MSN: variants seen among roughly 807,000 people sequenced by gnomAD.
MSN encodes the protein moesin.
Under a neutral mutation model 48.0 loss-of-function variants are expected in MSN, and 2 were observed. The ratio of observed to expected loss-of-function variants is 0.04; its 90% CI spans 0.02 to 0.13. The LOEUF (loss-of-function observed/expected upper bound fraction) is 0.13. Among genes scored for constraint, MSN ranks in the 10% least tolerant of loss-of-function variants. The pLI is 1.00. For synonymous variants in MSN, 146 were observed against 166.9 expected (o/e 0.87, Z 0.97); for missense variants, 267 against 470.1 (o/e 0.57, Z 3.99).
chrX:65,593,838 C>T (rs754108530), intron 1 of MSN, among the ~76,000 whole-genome samples: 7 of 112,937 alleles, frequency 6.2e-5, no homozygotes, highest in Admixed American at 4.7e-4. Flanking sequence ...CCACTGCACC[C>T]GGCAGGCAAA....
chrX:65,666,364 T>C (rs886796239), upstream of MSN, among the ~76,000 whole-genome samples: 1 of 109,470 alleles, frequency 9.1e-6, no homozygotes, highest in Non-Finnish European at 1.9e-5. Context: ...TTTCACTCTG[T>C]TGCCCTGGCT....
intron 1 of MSN, among the ~76,000 whole-genome samples, chrX:65,670,063 A>G (rs928079182): frequency 9.0e-6 from 1 of 111,544 alleles, no homozygotes; most frequent in Non-Finnish European, 1.9e-5. Flanking sequence ...GATAAAAGGA[A>G]ATGAGTAATT....
chrX:65,660,643 T>A (rs1007555444), intron 1 of MSN, among the ~76,000 whole-genome samples: 4 of 107,331 alleles, frequency 3.7e-5, no homozygotes, highest in Non-Finnish European at 7.7e-5. Context: ...CTCGGCTCAC[T>A]GCAACCTCCA....
chrX:65,641,479 G>A (rs2070649155), intron 1 of MSN, among the ~76,000 whole-genome samples: 1 of 89,267 alleles, frequency 1.1e-5, no homozygotes, highest in African/African-American at 4.1e-5. Context: ...TCAGTGAGCC[G>A]AGATCACGCC....
intron 1 of MSN, among the ~76,000 whole-genome samples, chrX:65,592,179 ATCCT>A (rs1007192902): frequency 1.0e-5 from 1 of 97,854 alleles, no homozygotes; most frequent in African/African-American, 3.8e-5. Context: ...ACTGCATGAT[ATCCT>A]CTTCATCCCT....
chrX:65,649,525 G>A (rs2070722538), intron 1 of MSN, among the ~76,000 whole-genome samples: 3 of 101,407 alleles, frequency 3.0e-5, no homozygotes, highest in South Asian at 4.5e-4. Context: ...GCAGTGAGCC[G>A]AGATCATGCC....
At chrX:65,640,135 A>G (rs1363627345) in intron 1 of MSN, among the ~76,000 whole-genome samples, 2 of 111,950 alleles carry the variant, frequency 1.8e-5, no homozygotes, top group East Asian at 5.6e-4. Flanking sequence ...TGGGGACTCA[A>G]AATGCAGATT....
chrX:65,649,037 G>C (rs2070718178), intron 1 of MSN, among the ~76,000 whole-genome samples: 1 of 109,593 alleles, frequency 9.1e-6, no homozygotes, highest in Non-Finnish European at 1.9e-5. Flanking sequence ...ATCTAGGCTG[G>C]GATGCCAAAT....
chrX:65,695,408 G>T (rs2071224340), intron 1 of MSN, among the ~76,000 whole-genome samples: 1 of 102,240 alleles, frequency 9.8e-6, no homozygotes, highest in African/African-American at 3.7e-5. Flanking sequence ...GCTGAGGCAT[G>T]AGAATAGCTT....
intron 1 of MSN, among the ~76,000 whole-genome samples, chrX:65,615,039 A>C (rs1403229945): frequency 3.9e-5 from 4 of 102,567 alleles, no homozygotes; most frequent in Admixed American, 1.1e-4. Flanking sequence ...TGAACTCATC[A>C]TTTTTTATGG....
intron 1 of MSN, among the ~76,000 whole-genome samples, chrX:65,616,822 A>G (rs1390747106): frequency 2.7e-5 from 3 of 109,969 alleles, no homozygotes; most frequent in Non-Finnish European, 5.7e-5. Flanking sequence ...TTTCCCATTC[A>G]GTATGATATT....
chrX:65,713,478 A>G (rs1022415567), intron 1 of MSN, among the ~76,000 whole-genome samples: 2 of 111,867 alleles, frequency 1.8e-5, no homozygotes, highest in Admixed American at 1.9e-4. Flanking sequence ...TGGACCATTT[A>G]TCTAGTTTAA....
chrX:65,731,797 C>T, intron 5 of MSN, 41 bp from the exon 6 acceptor site: 2 of 1,191,817 alleles, frequency 1.7e-6, no homozygotes, highest in Non-Finnish European at 1.1e-6. Flanking sequence ...GGGTCTGACT[C>T]ACAAGCCCCA....
intron 1 of MSN, chrX:65,600,709 C>G (rs887271294): frequency 2.7e-5 from 3 of 111,454 alleles, no homozygotes; most frequent in Non-Finnish European, 5.7e-5. Flanking sequence ...TTTTTGCAAA[C>G]AAAACTCTGG....
intron 1 of MSN, among the ~76,000 whole-genome samples, chrX:65,592,192 CTTTTTTTTTT>C (rs1176549178): frequency 3.1e-3 from 238 of 76,902 alleles, no homozygotes; most frequent in African/African-American, 0.011. Context: ...CTCTTCATCC[CTTTTTTTTTT>C]TTTTTTTTTT....
chrX:65,612,137 C>A (rs189397660), intron 1 of MSN, among the ~76,000 whole-genome samples: 31 of 111,415 alleles, frequency 2.8e-4, no homozygotes, highest in African/African-American at 1.0e-3. Flanking sequence ...GGAGGTGGGA[C>A]CTAATGAGAG....
intron 1 of MSN, among the ~76,000 whole-genome samples, chrX:65,632,696 G>A (rs1228354087): frequency 9.0e-6 from 1 of 111,463 alleles, no homozygotes; most frequent in Non-Finnish European, 1.9e-5. Context: ...TGGGCATATA[G>A]TACCTACCTC....
chrX:65,683,942 CTTTTTT>C (rs370356986), intron 1 of MSN, among the ~76,000 whole-genome samples: 1 of 80,494 alleles, frequency 1.2e-5, no homozygotes, highest in African/African-American at 4.0e-5. Context: ...CTTTCTTTTT[CTTTTTT>C]TTTTTTTTTT....
intron 1 of MSN, among the ~76,000 whole-genome samples, chrX:65,703,894 G>A (rs1397798978): frequency 9.0e-6 from 1 of 111,708 alleles, no homozygotes; most frequent in Non-Finnish European, 1.9e-5. Context: ...TTTTGATTAG[G>A]GCCAGAAGCG....
Sources: gnomAD v4.1 joint callset for allele counts (sites outside exome capture counted in the v4.1 genomes callset) on GRCh38, gnomAD v4.1.1 for gene constraint, MANE v1.5 for transcripts, NCBI Gene and HGNC (gene_info 2026-07-23, HGNC 2026-07-21) for gene names.